ADAT2: variants seen among roughly 807,000 people sequenced by gnomAD.
ADAT2 encodes tRNA-specific adenosine-34 deaminase catalytic subunit ADAT2.
ADAT2 carries 26 observed loss-of-function variants against 25.9 expected under a neutral mutation model. The observed-to-expected ratio is 1.00, with a 90% CI of 0.74 to 1.39. The LOEUF is 1.39. Ranked by LOEUF, ADAT2 falls within the 40% of genes most tolerant of loss-of-function variation. The probability of loss-of-function intolerance (pLI) is 0.00; values close to 1 mark genes in which losing one functional copy is unlikely to be tolerated. For missense variants in ADAT2, 220 were observed against 244.8 expected, an observed-to-expected ratio of 0.90 and a Z score of 0.68; for synonymous variants, 76 against 86.8, an observed-to-expected ratio of 0.88 and a Z score of 0.69.
rs1439825394 is a variant in ADAT2, at chr6:143,432,168, T to C, written c.459+337A>G. Among the ~76,000 whole-genome samples the C allele has an allele frequency of 6.6e-6, 1 of 152,208 alleles. No individual in the cohort carries two copies. Among genetic ancestry groups the C allele is most frequent in the Non-Finnish European group, 1.5e-5 (1 of 68,040 alleles). On this transcript the variant is annotated intron_variant, in intron 4 of 5. Coordinates refer to ENST00000237283, the MANE Select transcript of ADAT2 (RefSeq NM_182503.3). This position sits in a 1 kb window ranked among gnomAD's most constrained non-coding sequence, Gnocchi z 4.4. ...AAGCATCACCAAACTTGGTAGAGCA[T>C]AGAGCTGGTAACGTTCATTGAATAA...
rs561481802 is a variant in ADAT2 at position 143,426,679 on chromosome 6, C to G, written c.*1784G>C. On this transcript the variant is annotated 3_prime_UTR_variant, in exon 6 of 6. Transcript: ENST00000237283. The surrounding 1 kb of genome is among the most constrained non-coding windows in gnomAD (Gnocchi z 4.1). ...TAGCGACAGTCTCTGGGCTAGAATG[C>G]TCATATACTATTTTCGGCTTTGGCT... The G allele has an allele frequency of 6.6e-6, 1 of 152,272 alleles. No homozygotes were observed. The highest frequency in any genetic ancestry group is 2.4e-5 in the African/African-American group (1 of 41,544). 9.4% of individuals were successfully genotyped at this position (152,272 alleles called of 1,614,324 possible). A position where few individuals can be genotyped will look rare whatever the true frequency, so the allele number is the denominator to read the frequency against.
At chr6:143,448,679 A>C (rs1166686991) in intron 1 of ADAT2, among the ~76,000 whole-genome samples, 2 of 142,532 alleles carry the variant, frequency 1.4e-5, no homozygotes, top group Non-Finnish European at 3.2e-5. Context: ...GTATTCATTT[A>C]TTTGCTGGCT....
In ADAT2 at chr6:143,450,653, C is replaced by G. The variant is rs1225771707; in HGVS notation, c.6G>C (p.Glu2Asp). The change falls in exon 1 of 6, where the codon GAG becomes GAC. Residue 2 changes from glutamate (E) to aspartate (D), a missense_variant. Transcript: ENST00000237283. MEAKAAPKPAAS... is the reference protein window; with the variant it reads MDAKAAPKPAAS... ...CAGCTGGCTTGGGTGCCGCCTTCGC[C>G]TCCATACCCAGCCACCACTCAGCTA... The G allele has an allele frequency of 1.2e-6, 2 of 1,613,440 alleles. No homozygotes were observed.
intron 4 of ADAT2, among the ~76,000 whole-genome samples, chr6:143,430,586 C>A (rs147084912): frequency 6.6e-6 from 1 of 151,624 alleles, no homozygotes; most frequent in Non-Finnish European, 1.5e-5. Flanking sequence ...TTTTTTGAGA[C>A]AGTCTCACTC....
At chr6:143,433,427 A>T (rs1406413807) in intron 3 of ADAT2, among the ~76,000 whole-genome samples, 3 of 152,170 alleles carry the variant, frequency 2.0e-5, no homozygotes, top group Non-Finnish European at 4.4e-5. Context: ...TTCATGGCAA[A>T]CAAACCAACC....
Position 143,434,113 on chromosome 6 carries a change from C to T in ADAT2, c.202-132G>A. 1 of 1,167,372 alleles carries T rather than the reference C, an allele frequency of 8.6e-7. No homozygotes were observed. The highest frequency in any genetic ancestry group is 1.5e-5 in the African/African-American group (1 of 65,368). 72.3% of individuals were successfully genotyped at this position (1,167,372 alleles called of 1,614,324 possible). On this transcript the variant is annotated intron_variant, in intron 2 of 5. Coordinates refer to ENST00000237283, the MANE Select transcript of ADAT2 (RefSeq NM_182503.3). The surrounding 1 kb of genome is among the most constrained non-coding windows in gnomAD (Gnocchi z 4.5). The stretch of plus-strand genomic sequence containing the variant: ...TATTTTAATGAATACAGTTTCAAGA[C>T]ACCCTTAGCAGTGGACAACGTATTC...
Position 143,433,909 on chromosome 6 carries a change from A to G in ADAT2, c.274T>C (p.Ser92Pro), listed in dbSNP as rs751305181. The stretch of plus-strand genomic sequence containing the variant: ...AACACAGTGTGTTCAAATACTTCAG[A>G]GGGACTCTTGCCACTTTGACGACAC... ...DWCRQSGKSP[S>P]EVFEHTVLYV... Residue 92 changes from serine (S) to proline (P), a missense_variant, in exon 3 of 6, where the codon TCT becomes CCT. Coordinates refer to ENST00000237283, the MANE Select transcript of ADAT2 (RefSeq NM_182503.3). 2 of 1,614,170 alleles carry G rather than the reference A, an allele frequency of 1.2e-6. No individual in the cohort carries two copies. The highest frequency in any genetic ancestry group is 2.2e-5 in the South Asian group (2 of 91,078).
intron 1 of ADAT2, among the ~76,000 whole-genome samples, chr6:143,447,708 CA>C (rs1779636252): frequency 6.6e-6 from 1 of 151,338 alleles, no homozygotes; most frequent in African/African-American, 2.4e-5. Context: ...ATTACTGGAT[CA>C]AAGGATAAGC....
chr6:143,432,369 C>T lies in ADAT2; in HGVS notation c.459+136G>A, dbSNP rs1235108897. 6.4e-6 allele frequency: 5 copies of T among 778,592 alleles called. No homozygotes were observed. The African/African-American group carries it at 8.7e-5, about 14-fold the overall frequency. The allele number at this position is 778,592 out of a possible 1,614,324, so 48.2% of individuals were successfully genotyped here. A position where few individuals can be genotyped will look rare whatever the true frequency, so the allele number is the denominator to read the frequency against. ...TATACTGAGGCATAAATGAACTCCA[C>T]CAGAGGCCCTGAGATCAAAGATGTC... On this transcript the variant is annotated intron_variant, in intron 4 of 5. Coordinates refer to ENST00000237283, the MANE Select transcript of ADAT2 (RefSeq NM_182503.3). This position sits in a 1 kb window ranked among gnomAD's most constrained non-coding sequence, Gnocchi z 4.4.
chr6:143,424,464 A>G lies in ADAT2; in HGVS notation c.*3999T>C, dbSNP rs796449496. The G allele has an allele frequency of 7.9e-5, 12 of 152,302 alleles. No individual in the cohort carries two copies. The highest frequency in any genetic ancestry group is 2.6e-4 in the African/African-American group (11 of 41,554). The allele number at this position is 152,302 out of a possible 1,614,324, so 9.4% of individuals were successfully genotyped here. On this transcript the variant is annotated 3_prime_UTR_variant, in exon 6 of 6. Coordinates refer to ENST00000237283, the MANE Select transcript of ADAT2 (RefSeq NM_182503.3). The surrounding 1 kb of genome is among the most constrained non-coding windows in gnomAD (Gnocchi z 4.8). ...AAAGTAGCAGTGCTTACAACATTTTAAGTCTAGATGTCTCTATGGAAACCC... is the reference window on the plus strand; with the variant it reads ...AAAGTAGCAGTGCTTACAACATTTTGAGTCTAGATGTCTCTATGGAAACCC...
intron 1 of ADAT2, chr6:143,441,598 TGA>T (rs1779458741): frequency 6.6e-6 from 1 of 152,144 alleles, no homozygotes; most frequent in Non-Finnish European, 1.5e-5. Flanking sequence ...AATAATATAG[TGA>T]GAACTTGCCA....
Position 143,442,199 on chromosome 6 carries a change from C to T in ADAT2, c.97-3505G>A, listed in dbSNP as rs1779477390. ...GAACTGCTAAACAAACTATGGTACA[C>T]CTGTACCATGGGACACAATGCAGCA... On this transcript the variant is annotated intron_variant, in intron 1 of 5. Transcript: ENST00000237283. The surrounding 1 kb of genome is among the most constrained non-coding windows in gnomAD (Gnocchi z 4.6). 1.3e-5 allele frequency among the ~76,000 whole-genome samples: 2 copies of T among 152,250 alleles called. No homozygotes were observed. Among genetic ancestry groups the T allele is most frequent in the South Asian group, 4.1e-4 (2 of 4,828 alleles).
chr6:143,432,645 C>A lies in ADAT2; in HGVS notation c.353-34G>T. On this transcript the variant is annotated intron_variant, in intron 3 of 5. Coordinates refer to ENST00000237283, the MANE Select transcript of ADAT2 (RefSeq NM_182503.3). The surrounding 1 kb of genome is among the most constrained non-coding windows in gnomAD (Gnocchi z 4.4). ...GAATTAAGGTCCTGCATAGAATGTA[C>A]ATTTCAAGTATGTATCGTGACAAAA... 6.3e-7 allele frequency: 1 copy of A among 1,597,550 alleles called. No homozygotes were observed. The highest frequency in any genetic ancestry group is 8.6e-7 in the Non-Finnish European group (1 of 1,165,080).
In ADAT2 at chr6:143,444,885, T is replaced by C; in HGVS notation, c.96+5678A>G. On this transcript the variant is annotated intron_variant, in intron 1 of 5. Transcript: ENST00000237283. This position sits in a 1 kb window ranked among gnomAD's most constrained non-coding sequence, Gnocchi z 4.3. ...AAAGACATTACTACTATAAACTGCT[T>C]TCTAGTGATGTCATGATAAAAGGGG... is the stretch of plus-strand genomic sequence containing the variant. 2 of 1,270,542 alleles carry C rather than the reference T, an allele frequency of 1.6e-6. No individual in the cohort carries two copies. The highest frequency in any genetic ancestry group is 2.1e-6 in the Non-Finnish European group (2 of 962,970). 78.7% of individuals were successfully genotyped at this position (1,270,542 alleles called of 1,614,324 possible).
chr6:143,445,055 A>G (rs1583990699), intron 1 of ADAT2: 3 of 797,992 alleles, frequency 3.8e-6, no homozygotes, highest in Non-Finnish European at 5.4e-6. Context: ...GCTAAACTAT[A>G]TAACTGTTTC....
In ADAT2 at chr6:143,436,399, G is replaced by T; in HGVS notation, c.201+2191C>A. 3.7e-6 allele frequency: 1 copy of T among 271,364 alleles called. No homozygotes were observed. Among genetic ancestry groups the T allele is most frequent in the South Asian group, 4.4e-5 (1 of 22,598 alleles). The allele number at this position is 271,364 out of a possible 1,614,324, so 16.8% of individuals were successfully genotyped here. ...AACCAAGAACAGCAGCTACTTTGCT[G>T]ACTGGATCCCCTACAATGGGAAAAC... On this transcript the variant is annotated intron_variant, in intron 2 of 5. Coordinates refer to ENST00000237283, the MANE Select transcript of ADAT2 (RefSeq NM_182503.3). The surrounding 1 kb of genome is among the most constrained non-coding windows in gnomAD (Gnocchi z 4.1).
At chr6:143,449,765 T>C (rs1168965068) in intron 1 of ADAT2, 2 of 152,252 alleles carry the variant, frequency 1.3e-5, no homozygotes, top group South Asian at 2.1e-4. Flanking sequence ...ACCTAAAAGG[T>C]AGCGAAAGTG....
intron 1 of ADAT2, among the ~76,000 whole-genome samples, chr6:143,448,445 TTAAC>T (rs1395594244): frequency 2.6e-5 from 4 of 152,162 alleles, no homozygotes; most frequent in Admixed American, 6.5e-5. Context: ...CAACTTTGGC[TTAAC>T]TAGAGTTAAC....
intron 1 of ADAT2, among the ~76,000 whole-genome samples, chr6:143,448,477 T>C (rs921112942): frequency 2.6e-5 from 4 of 152,016 alleles, no homozygotes; most frequent in African/African-American, 9.7e-5. Context: ...GCATATTAAA[T>C]AAAAACTGTA....
Sources: gnomAD v4.1 joint callset for allele counts (sites outside exome capture counted in the v4.1 genomes callset) on GRCh38, gnomAD v4.1.1 for gene constraint, Gnocchi (gnomAD v3.1) non-coding constraint, MANE v1.5 for transcripts, NCBI Gene and HGNC (gene_info 2026-07-23, HGNC 2026-07-21) for gene names.